SUN3: variants seen among roughly 807,000 people sequenced by gnomAD.
SUN3 encodes Sad1 and UNC84 domain containing 3, also known as SUN domain-containing protein 3.
A neutral mutation model predicts 48.2 loss-of-function variants in SUN3; 36 were observed. That is an observed-to-expected ratio of 0.75 (90% confidence interval 0.57 to 0.99). The LOEUF (loss-of-function observed/expected upper bound fraction) is 0.99, where lower values mean the gene tolerates loss of function less well. Ranked by LOEUF, SUN3 falls within the 50% of genes least tolerant of loss-of-function variation. SUN3 has a pLI of 0.00. For synonymous variants in SUN3, 148 were observed against 147.9 expected (o/e 1.00, Z 0.00); for missense variants, 419 against 433.1 (o/e 0.97, Z 0.29).
At chr7:48,016,764 T>C (rs113841090) in intron 3 of SUN3, among the ~76,000 whole-genome samples, 4,552 of 152,284 alleles carry the variant, frequency 0.03, 223 homozygotes, top group African/African-American at 0.1. Flanking sequence ...CTGTTTTCTG[T>C]TGCTATAACA....
chr7:48,002,915 A>G (rs1201528369), intron 6 of SUN3, among the ~76,000 whole-genome samples: 2 of 152,026 alleles, frequency 1.3e-5, no homozygotes. Flanking sequence ...CTCTCTTCCT[A>G]TTTGGATGCG....
chr7:47,992,719 A>G (rs1789101597), intron 8 of SUN3, among the ~76,000 whole-genome samples: 1 of 152,164 alleles, frequency 6.6e-6, no homozygotes, highest in Non-Finnish European at 1.5e-5. Context: ...ATAAATGAAA[A>G]GAAAGTGAAG....
intron 3 of SUN3, among the ~76,000 whole-genome samples, chr7:48,013,381 C>A (rs1789732004): frequency 6.6e-6 from 1 of 152,112 alleles, no homozygotes. Context: ...TAACTATTAC[C>A]ATTATCCTGT....
intron 8 of SUN3, among the ~76,000 whole-genome samples, chr7:47,989,405 T>G (rs959560931): frequency 6.6e-6 from 1 of 152,210 alleles, no homozygotes; most frequent in East Asian, 1.9e-4. Context: ...ACAAAAACAC[T>G]GATTTTTTTC....
intron 6 of SUN3, 116 bp downstream of exon 6, chr7:48,005,853 C>CT: frequency 1.0e-5 from 5 of 502,410 alleles, no homozygotes; most frequent in Non-Finnish European, 1.4e-5. Context: ...ATTAATTTCC[C>CT]CCCCCCAAGT....
At chr7:48,033,825 G>A (rs1466443420), upstream of SUN3, among the ~76,000 whole-genome samples, 1 of 152,084 alleles carries the variant, frequency 6.6e-6, no homozygotes, top group African/African-American at 2.4e-5. Flanking sequence ...TGAGGCCGAG[G>A]CAGGTGGATC....
intron 2 of SUN3, among the ~76,000 whole-genome samples, chr7:48,022,080 C>T (rs927061518): frequency 3.4e-4 from 51 of 151,816 alleles, no homozygotes; most frequent in African/African-American, 1.1e-3. Context: ...GTGTACTATG[C>T]GGCCATAAAA....
chr7:48,032,082 G>C (rs982281293), upstream of SUN3, among the ~76,000 whole-genome samples: 2 of 152,202 alleles, frequency 1.3e-5, no homozygotes, highest in Non-Finnish European at 2.9e-5. Flanking sequence ...AGAGTAGAAT[G>C]GGAGTTGCCA....
At chr7:48,004,726 T>C (rs1789476659) in intron 6 of SUN3, among the ~76,000 whole-genome samples, 1 of 152,256 alleles carries the variant, frequency 6.6e-6, no homozygotes, top group Non-Finnish European at 1.5e-5. Flanking sequence ...GCTGCCTACC[T>C]TGCTGCCACG....
intron 2 of SUN3, among the ~76,000 whole-genome samples, chr7:48,021,594 T>TA (rs763957147): frequency 9.1e-5 from 13 of 142,944 alleles, no homozygotes; most frequent in Admixed American, 2.8e-4. Flanking sequence ...AATAATCTGA[T>TA]AAAAAAATGG....
chr7:48,029,700 A>G (rs1041452608), upstream of SUN3, among the ~76,000 whole-genome samples: 3 of 152,292 alleles, frequency 2.0e-5, no homozygotes, highest in Middle Eastern at 3.4e-3. Flanking sequence ...TATGCACATC[A>G]CAAGGTTTTT....
intron 2 of SUN3, among the ~76,000 whole-genome samples, chr7:48,025,392 G>A (rs1188089296): frequency 6.6e-6 from 1 of 152,092 alleles, no homozygotes; most frequent in Non-Finnish European, 1.5e-5. Context: ...CTTAAGTTGT[G>A]AATATATTAA....
chr7:48,001,931 A>G (rs1037786160), intron 6 of SUN3, among the ~76,000 whole-genome samples: 47 of 152,272 alleles, frequency 3.1e-4, no homozygotes, highest in African/African-American at 1.1e-3. Flanking sequence ...TGGATATCCC[A>G]GTAATGGGTT....
chr7:48,000,521 G>A (rs1034064558), intron 6 of SUN3, among the ~76,000 whole-genome samples: 2 of 152,128 alleles, frequency 1.3e-5, no homozygotes, highest in Admixed American at 1.3e-4. Context: ...CATTTCTATT[G>A]AGCTGAAGAA....
upstream of SUN3, among the ~76,000 whole-genome samples, chr7:48,033,364 C>G (rs1325031502): frequency 6.6e-6 from 1 of 151,650 alleles, no homozygotes. Context: ...AGTTGGAGAC[C>G]AGCCTGGGCA....
At chr7:48,026,116 C>A (rs1307244542) in intron 1 of SUN3, among the ~76,000 whole-genome samples, 178 bp from the exon 2 acceptor site, 1 of 151,970 alleles carries the variant, frequency 6.6e-6, no homozygotes, top group Non-Finnish European at 1.5e-5. Flanking sequence ...GAGAGAAGAT[C>A]GTTTTAGTGA....
rs1259302845 is a variant in SUN3 at position 48,025,899 on chromosome 7, A to G, written c.162T>C (p.Leu54=). 1 of 1,602,944 alleles carries G rather than the reference A, an allele frequency of 6.2e-7. No homozygotes were observed. Among genetic ancestry groups the G allele is most frequent in the East Asian group, 2.2e-5 (1 of 44,780 alleles). The change falls in exon 2 of 10, where the codon CTT becomes CTC. Residue 54 remains leucine (L), a synonymous_variant. Transcript: ENST00000297325. ...TACCTACAAGAAGAAAAGTCAGTGT[A>G]AGCATTGTACTTAGAATAATCTTCC... ...RSWKIILSTM[L]TLTFLLVGLL... is the part of the protein sequence containing the mutation.
At chr7:48,028,183 T>C (rs1176782386) in intron 1 of SUN3, among the ~76,000 whole-genome samples, 1 of 152,134 alleles carries the variant, frequency 6.6e-6, no homozygotes, top group Non-Finnish European at 1.5e-5. Flanking sequence ...TGCAAGTGCT[T>C]CATTGTTACC....
At chr7:48,020,566 A>T (rs972252892) in intron 2 of SUN3, among the ~76,000 whole-genome samples, 1 of 152,072 alleles carries the variant, frequency 6.6e-6, no homozygotes. Flanking sequence ...TTAGGAAAAA[A>T]ACTATTAGAA....
Sources: allele counts gnomAD v4.1 joint callset (sites outside exome capture counted in the v4.1 genomes callset), GRCh38; gene constraint gnomAD v4.1.1; transcripts MANE v1.5; gene names NCBI Gene and HGNC (gene_info 2026-07-23, HGNC 2026-07-21).